Variants in ARSI observed in about 807,000 individuals in gnomAD.
The protein encoded by ARSI is arylsulfatase I.
A neutral mutation model predicts 42.1 loss-of-function variants in ARSI; 37 were observed. The ratio of observed to expected loss-of-function variants is 0.88; its 90% CI spans 0.68 to 1.16. The LOEUF (loss-of-function observed/expected upper bound fraction) is 1.16, where lower values mean the gene tolerates loss of function less well. Ranked by LOEUF, ARSI falls within the 50% of genes most tolerant of loss-of-function variation. The pLI is 0.00. For synonymous variants in ARSI, 305 were observed against 320.3 expected (o/e 0.95, Z 0.51); for missense variants, 725 against 790.1 (o/e 0.92, Z 0.99).
rs1349122063 is a variant in ARSI, at chr5:150,297,697, G to A, written c.1227C>T (p.Gly409=). ...CAGCCTGCACGGCGGTGTTCCAGAT[G>A]CCAAAGCCGCCCTCCAGGGAGCCAT... ...AQHGSLEGGF[G]IWNTAVQAAI... Residue 409 remains glycine (G), a synonymous_variant, in exon 2 of 2, where the codon GGC becomes GGT. Transcript: ENST00000328668. The surrounding 1 kb of genome is among the most constrained non-coding windows in gnomAD (Gnocchi z 7.0). The A allele has an allele frequency of 1.2e-6, 2 of 1,613,424 alleles. No individual in the cohort carries two copies. The highest frequency in any genetic ancestry group is 8.5e-7 in the Non-Finnish European group (1 of 1,180,032).
chr5:150,302,610 A>C lies in ARSI; in HGVS notation c.-237T>G. On this transcript the variant is annotated 5_prime_UTR_variant, in exon 1 of 2. Coordinates refer to ENST00000328668, the MANE Select transcript of ARSI (RefSeq NM_001012301.4). This position sits in a 1 kb window ranked among gnomAD's most constrained non-coding sequence, Gnocchi z 6.1. ...GCGCCGAGCTGCCTCCCGCTGCCTA[A>C]GCGCAGGCCCTGCGCCGCCTTTGCT... The C allele has an allele frequency of 2.7e-6, 1 of 369,970 alleles. No individual in the cohort carries two copies. Among genetic ancestry groups the C allele is most frequent in the East Asian group, 4.1e-5 (1 of 24,496 alleles). The allele number at this position is 369,970 out of a possible 1,614,324, so 22.9% of individuals were successfully genotyped here. A position where few individuals can be genotyped will look rare whatever the true frequency, so the allele number is the denominator to read the frequency against.
At chr5:150,300,522 G>A (rs909864107) in intron 1 of ARSI, among the ~76,000 whole-genome samples, 3 of 152,210 alleles carry the variant, frequency 2.0e-5, no homozygotes, top group South Asian at 2.1e-4. Flanking sequence ...GCTGTGGAGC[G>A]CTGGCTTGTA....
At chr5:150,301,953 A>AC in intron 1 of ARSI, 110 bp downstream of exon 1, 1 of 1,203,794 alleles carries the variant, frequency 8.3e-7, no homozygotes, top group Non-Finnish European at 1.1e-6. Context: ...TACACAGCCA[A>AC]CAGGAGATTT....
chr5:150,297,842 G>C lies in ARSI; in HGVS notation c.1082C>G (p.Thr361Ser). ...ATCTAGCCCATCGGCTGCTGAGGTG[G>C]TACCACCTGCCAGACCCACCAGGGT... ...YPTLVGLAGGTTSAADGLDGY... is the reference protein window; with the variant it reads ...YPTLVGLAGGSTSAADGLDGY... Residue 361 changes from threonine to serine, a missense_variant, in exon 2 of 2, where the codon ACC (threonine) becomes AGC (serine). By Grantham distance (58) the Thr-to-Ser change is moderately conservative. Transcript: ENST00000328668. This position sits in a 1 kb window ranked among gnomAD's most constrained non-coding sequence, Gnocchi z 7.0. 1.9e-6 allele frequency: 3 copies of C among 1,610,720 alleles called. No individual in the cohort carries two copies. The highest frequency in any genetic ancestry group is 2.5e-6 in the Non-Finnish European group (3 of 1,178,628).
At chr5:150,298,971 T>C (rs1757874061) in intron 1 of ARSI, among the ~76,000 whole-genome samples, 1 of 152,232 alleles carries the variant, frequency 6.6e-6, no homozygotes, top group Admixed American at 6.5e-5. Context: ...CACTGTGAGC[T>C]TGGCATTACA....
Position 150,296,510 on chromosome 5 carries a change from GTGTCCTGGTAC to G in ARSI, c.*693_*703del, listed in dbSNP as rs1203287011. Reference sequence around the variant, plus strand: ...TGCCCCAGGTCACAGGAGAACCCAGGTGTCCTGGTACTGGTTTGGGGGCTCTTCACAGCTCT... The same window carrying G: ...TGCCCCAGGTCACAGGAGAACCCAGGTGGTTTGGGGGCTCTTCACAGCTCT... On this transcript the variant is annotated 3_prime_UTR_variant, in exon 2 of 2. Transcript: ENST00000328668. 6.6e-6 allele frequency: 1 copy of G among 152,262 alleles called. No homozygotes were observed. The highest frequency in any genetic ancestry group is 1.5e-5 in the Non-Finnish European group (1 of 68,076). The allele number at this position is 152,262 out of a possible 1,614,324, so 9.4% of individuals were successfully genotyped here.
intron 1 of ARSI, among the ~76,000 whole-genome samples, chr5:150,300,663 A>C (rs1757904340): frequency 6.6e-6 from 1 of 152,236 alleles, no homozygotes; most frequent in African/African-American, 2.4e-5. Flanking sequence ...TGTAAGCATC[A>C]ATGAGATGGA....
At position 150,296,950 on chromosome 5, in the gene ARSI, A is replaced by AGC. The variant is rs1320909443; in HGVS notation, c.*263_*264insGC. 3 of 374,634 alleles carry AGC rather than the reference A, an allele frequency of 8.0e-6. No homozygotes were observed. The highest frequency in any genetic ancestry group is 4.2e-5 in the African/African-American group (2 of 48,108). 23.2% of individuals were successfully genotyped at this position (374,634 alleles called of 1,614,324 possible). A position where few individuals can be genotyped will look rare whatever the true frequency, so the allele number is the denominator to read the frequency against. ...AAAGTCATTAGAGCTCATTTTACAGATGAGGAAACTGAGGCTAAAAGCTCA... is the reference window on the plus strand; with the variant it reads ...AAAGTCATTAGAGCTCATTTTACAGAGCTGAGGAAACTGAGGCTAAAAGCTCA... On this transcript the variant is annotated 3_prime_UTR_variant, in exon 2 of 2. Transcript: ENST00000328668.
chr5:150,302,216 A>C lies in ARSI; in HGVS notation c.158T>G (p.Leu53Arg). 6.2e-7 allele frequency: 1 copy of C among 1,613,786 alleles called. No individual in the cohort carries two copies. The highest frequency in any genetic ancestry group is 8.5e-7 in the Non-Finnish European group (1 of 1,179,980). The change falls in exon 1 of 2, where the codon CTC becomes CGC. Residue 53 changes from leucine to arginine, a missense_variant. Coordinates refer to ENST00000328668, the MANE Select transcript of ARSI (RefSeq NM_001012301.4). The surrounding 1 kb of genome is among the most constrained non-coding windows in gnomAD (Gnocchi z 6.1). The part of the protein sequence containing the change: ...PPQPPHIIFI[L>R]TDDQGYHDVG... ...GTCGTGGTAGCCTTGGTCGTCCGTG[A>C]GGATGAAGATGATGTGGGGAGGCTG...
intron 1 of ARSI, among the ~76,000 whole-genome samples, chr5:150,301,346 C>T (rs1164521885): frequency 3.9e-5 from 6 of 152,218 alleles, no homozygotes; most frequent in African/African-American, 1.4e-4. Flanking sequence ...TCTTTTAATC[C>T]TGTAATCCTG....
rs1018603574 is a variant in ARSI, at chr5:150,296,499, G to C, written c.*715C>G. 1.3e-5 allele frequency: 2 copies of C among 152,408 alleles called. No individual in the cohort carries two copies. The highest frequency in any genetic ancestry group is 2.9e-5 in the Non-Finnish European group (2 of 68,052). 9.4% of individuals were successfully genotyped at this position (152,408 alleles called of 1,614,324 possible). ...GGCAAGAACTGTGCCCCAGGTCACA[G>C]GAGAACCCAGGTGTCCTGGTACTGG... On this transcript the variant is annotated 3_prime_UTR_variant, in exon 2 of 2. Transcript: ENST00000328668.
Position 150,302,215 on chromosome 5 carries a change from G to A in ARSI, c.159C>T (p.Leu53=). ...CGTCGTGGTAGCCTTGGTCGTCCGT[G>A]AGGATGAAGATGATGTGGGGAGGCT... ...PPQPPHIIFI[L]TDDQGYHDVG... Residue 53 remains leucine (L), a synonymous_variant, in exon 1 of 2, where the codon CTC becomes CTT. Transcript: ENST00000328668. This position sits in a 1 kb window ranked among gnomAD's most constrained non-coding sequence, Gnocchi z 6.1. The A allele has an allele frequency of 1.2e-6, 2 of 1,613,856 alleles. No individual in the cohort carries two copies. The highest frequency in any genetic ancestry group is 1.7e-6 in the Non-Finnish European group (2 of 1,179,998).
intron 1 of ARSI, among the ~76,000 whole-genome samples, chr5:150,301,511 T>C (rs1757919317): frequency 6.6e-6 from 1 of 152,190 alleles, no homozygotes; most frequent in Admixed American, 6.5e-5. Context: ...CCTATGTGTC[T>C]TTCTCTTCCA....
chr5:150,301,151 G>A (rs1453212004), intron 1 of ARSI, among the ~76,000 whole-genome samples: 1 of 152,198 alleles, frequency 6.6e-6, no homozygotes, highest in Non-Finnish European at 1.5e-5. Context: ...AAGAAATAGT[G>A]AGACTAAGAA....
Position 150,302,236 on chromosome 5 carries a change from A to G in ARSI, c.138T>C (p.Pro46=), listed in dbSNP as rs1275926740. Reference sequence around the variant, plus strand: ...CCGTGAGGATGAAGATGATGTGGGGAGGCTGGGGCGGAGCGGCCGAGGGCT... The same window carrying G: ...CCGTGAGGATGAAGATGATGTGGGGGGGCTGGGGCGGAGCGGCCGAGGGCT... ...GEQPSAAPPQ[P]PHIIFILTDD... Residue 46 remains proline (P), a synonymous_variant, in exon 1 of 2, where the codon CCT becomes CCC. Coordinates refer to ENST00000328668, the MANE Select transcript of ARSI (RefSeq NM_001012301.4). This position sits in a 1 kb window ranked among gnomAD's most constrained non-coding sequence, Gnocchi z 6.1. 6.2e-7 allele frequency: 1 copy of G among 1,613,026 alleles called. No homozygotes were observed. The highest frequency in any genetic ancestry group is 1.1e-5 in the South Asian group (1 of 90,952).
Position 150,297,361 on chromosome 5 carries a change from C to A in ARSI, c.1563G>T (p.Gly521=), listed in dbSNP as rs774513003. Residue 521 remains glycine (G), a synonymous_variant, in exon 2 of 2, where the codon GGG becomes GGT. Transcript: ENST00000328668. The surrounding 1 kb of genome is among the most constrained non-coding windows in gnomAD (Gnocchi z 7.0). ...AHPDFNGGAW[G]PWASDEEEEE... ...CCTCTTCCTCATCACTGGCCCAGGG[C>A]CCCCAAGCACCCCCATTAAAGTCAG... 3 of 1,612,082 alleles carry A rather than the reference C, an allele frequency of 1.9e-6. No homozygotes were observed. Among genetic ancestry groups the A allele is most frequent in the African/African-American group, 2.7e-5 (2 of 74,870 alleles).
chr5:150,298,299 T>G lies in ARSI; in HGVS notation c.625A>C (p.Thr209Pro), dbSNP rs773855093. 6.2e-7 allele frequency: 1 copy of G among 1,613,418 alleles called. No homozygotes were observed. The highest frequency in any genetic ancestry group is 2.2e-5 in the East Asian group (1 of 44,862). ...VAWGLSGQYS[T>P]MLYAQRASHI... ...CTGGCGCGCTGGGCATAAAGCATAG[T>G]GGAGTACTGGCCGCTGAGCCCCCAG... Residue 209 changes from threonine (T) to proline (P), a missense_variant, in exon 2 of 2, where the codon ACT becomes CCT. Thr to Pro is a conservative substitution (Grantham distance 38). Coordinates refer to ENST00000328668, the MANE Select transcript of ARSI (RefSeq NM_001012301.4).
rs955682050 is a variant in ARSI at position 150,296,850 on chromosome 5, A to T, written c.*364T>A. The T allele has an allele frequency of 1.1e-5, 2 of 174,580 alleles. No homozygotes were observed. Among genetic ancestry groups the T allele is most frequent in the Non-Finnish European group, 1.2e-5 (1 of 83,302 alleles). The allele number at this position is 174,580 out of a possible 1,614,324, so 10.8% of individuals were successfully genotyped here. The stretch of plus-strand genomic sequence containing the variant: ...TCCCGTGTTAAGGGGGAAGCCTTAA[A>T]GGAGTTGTCAAGTGGCAAGGCCGGC... On this transcript the variant is annotated 3_prime_UTR_variant, in exon 2 of 2. Coordinates refer to ENST00000328668, the MANE Select transcript of ARSI (RefSeq NM_001012301.4).
Position 150,298,420 on chromosome 5 carries a change from C to G in ARSI, c.504G>C (p.Leu168=), listed in dbSNP as rs765670578. Residue 168 remains leucine (L), a synonymous_variant, in exon 2 of 2, where the codon CTG becomes CTC. Transcript: ENST00000328668. ...LPTRRGFDTF[L]GSLTGNVDYY... ...AGTCCACATTGCCCGTGAGCGAGCC[C>G]AGGAAGGTGTCGAAGCCCCGACGGG... The G allele has an allele frequency of 1.7e-5, 27 of 1,614,120 alleles. No individual in the cohort carries two copies. The highest frequency in any genetic ancestry group is 2.3e-5 in the Non-Finnish European group (27 of 1,180,050).
Sources: allele counts gnomAD v4.1 joint callset (sites outside exome capture counted in the v4.1 genomes callset), GRCh38; gene constraint gnomAD v4.1.1; non-coding constraint Gnocchi (gnomAD v3.1); transcripts MANE v1.5; gene names NCBI Gene and HGNC (gene_info 2026-07-23, HGNC 2026-07-21).